GRID2IP: variants seen among roughly 807,000 people sequenced by gnomAD.
GRID2IP encodes Grid2 interacting protein, also known as delphilin.
Under a neutral mutation model 114.3 loss-of-function variants are expected in GRID2IP, and 78 were observed. The ratio of observed to expected loss-of-function variants is 0.68; its 90% confidence interval spans 0.57 to 0.82. GRID2IP has a LOEUF of 0.82. Ranked by LOEUF, GRID2IP falls within the 40% of genes least tolerant of loss-of-function variation. GRID2IP has a pLI of 0.00. For missense variants in GRID2IP, 1,727 were observed against 1,678.5 expected (o/e 1.03, Z -0.51); for synonymous variants, 809 against 724.0 (o/e 1.12, Z -1.89).
chr7:6,524,001 TG>T lies in GRID2IP; in HGVS notation c.920-2045del, dbSNP rs1779460590. 2.6e-5 allele frequency among the ~76,000 whole-genome samples: 4 copies of T among 152,200 alleles called. No individual in the cohort carries two copies. In the South Asian group the frequency reaches 8.3e-4, roughly 32 times the overall value. On this transcript the variant is annotated intron_variant, in intron 4 of 21. Coordinates refer to ENST00000457091, the MANE Select transcript of GRID2IP (RefSeq NM_001145118.2). ...AGCTTTGGGCCTTTTGCTTACAATA[TG>T]GTGTCAACAAGTTAGTGATGCCCAA... is the stretch of plus-strand genomic sequence containing the variant.
intron 2 of GRID2IP, among the ~76,000 whole-genome samples, chr7:6,529,176 C>T (rs541254093): frequency 2.0e-5 from 3 of 151,952 alleles, no homozygotes; most frequent in South Asian, 2.1e-4. Context: ...GTCGTCCGGG[C>T]GCGGTGGCTC....
At chr7:6,544,932 A>C (rs1779865575) in intron 1 of GRID2IP, among the ~76,000 whole-genome samples, 1 of 151,916 alleles carries the variant, frequency 6.6e-6, no homozygotes, top group African/African-American at 2.4e-5. Flanking sequence ...ATAGAAAAAA[A>C]ATTAGCCAGG....
At chr7:6,535,519 C>G (rs952305949) in intron 2 of GRID2IP, among the ~76,000 whole-genome samples, 1 of 152,114 alleles carries the variant, frequency 6.6e-6, no homozygotes, top group East Asian at 1.9e-4. Flanking sequence ...GACACACACA[C>G]ACGTGTATAT....
intron 1 of GRID2IP, among the ~76,000 whole-genome samples, chr7:6,542,325 AAG>A (rs1491053971): frequency 2.0e-3 from 299 of 150,894 alleles, no homozygotes; most frequent in Non-Finnish European, 3.7e-3. Flanking sequence ...AAAAAAAAAA[AAG>A]AAAAAAGAAA....
rs565609939 is a variant in GRID2IP at position 6,519,066 on chromosome 7, G to A, written c.1268+1512C>T. 3.0e-4 allele frequency among the ~76,000 whole-genome samples: 45 copies of A among 151,856 alleles called. No homozygotes were observed. The highest frequency in any genetic ancestry group is 1.0e-3 in the African/African-American group (43 of 41,414). On this transcript the variant is annotated intron_variant, in intron 7 of 21. Coordinates refer to ENST00000457091, the MANE Select transcript of GRID2IP (RefSeq NM_001145118.2). This position sits in a 1 kb window ranked among gnomAD's most constrained non-coding sequence, Gnocchi z 4.1. ...CCCAAGTAGCTGGAACTACAGGTGC[G>A]CACCACCATGCCCAGCTAATTTTTT...
chr7:6,508,969 C>A lies in GRID2IP; in HGVS notation c.2116G>T (p.Asp706Tyr). The change falls in exon 12 of 22, where the codon GAC (aspartate) becomes TAC (tyrosine). Residue 706 changes from aspartate (D) to tyrosine (Y), a missense_variant. By Grantham distance (160) the Asp-to-Tyr change is radical. Coordinates refer to ENST00000457091, the MANE Select transcript of GRID2IP (RefSeq NM_001145118.2). This position sits in a 1 kb window ranked among gnomAD's most constrained non-coding sequence, Gnocchi z 5.6. ...GCTTGCGTGCCCACCTCCTCGTAGT[C>A]GTTCTCCGGGGTCAGGAAATCATCC... ...IVDDFLTPENDYEEMSFHDDQ... is the reference protein window; with the variant it reads ...IVDDFLTPENYYEEMSFHDDQ... 6.5e-7 allele frequency: 1 copy of A among 1,547,118 alleles called. No homozygotes were observed. Among genetic ancestry groups the A allele is most frequent in the African/African-American group, 1.4e-5 (1 of 73,148 alleles).
At chr7:6,515,402 A>G (rs1440816865) in intron 7 of GRID2IP, among the ~76,000 whole-genome samples, 1 of 152,062 alleles carries the variant, frequency 6.6e-6, no homozygotes, top group Non-Finnish European at 1.5e-5. Context: ...CGGAGGTTGT[A>G]GTGAGCTGAG....
rs1014837949 is a variant in GRID2IP, at chr7:6,521,723, G to T, written c.989+165C>A. On this transcript the variant is annotated intron_variant, in intron 5 of 21. Coordinates refer to ENST00000457091, the MANE Select transcript of GRID2IP (RefSeq NM_001145118.2). This position sits in a 1 kb window ranked among gnomAD's most constrained non-coding sequence, Gnocchi z 4.1. ...CTGGCTAGAGTTGGCGACTGGCGAG[G>T]AGGAGGGTTAGATTCAAGAGTTCCC... Among the ~76,000 whole-genome samples, 6 of 152,204 alleles carry T rather than the reference G, an allele frequency of 3.9e-5. No individual in the cohort carries two copies. The highest frequency in any genetic ancestry group is 8.8e-5 in the Non-Finnish European group (6 of 68,046).
At chr7:6,542,364 C>T (rs998114279) in intron 1 of GRID2IP, among the ~76,000 whole-genome samples, 1 of 150,702 alleles carries the variant, frequency 6.6e-6, no homozygotes, top group Non-Finnish European at 1.5e-5. Flanking sequence ...GAGGCAAGAT[C>T]CTGGCAGGGC....
chr7:6,509,959 G>C lies in GRID2IP; in HGVS notation c.1771+324C>G, dbSNP rs564535838. On this transcript the variant is annotated intron_variant, in intron 11 of 21. Transcript: ENST00000457091. The surrounding 1 kb of genome is among the most constrained non-coding windows in gnomAD (Gnocchi z 4.9). The stretch of plus-strand genomic sequence containing the variant: ...TCCTCCCGCCTCAGCCTCTTGAGGA[G>C]TTGGGACTACAGGCATATGCAACCA... Among the ~76,000 whole-genome samples the C allele has an allele frequency of 6.6e-6, 1 of 152,202 alleles. No individual in the cohort carries two copies.
At chr7:6,503,248 A>G in intron 16 of GRID2IP, 85 bp from the exon 17 acceptor site, 1 of 1,136,586 alleles carries the variant, frequency 8.8e-7, no homozygotes, top group Non-Finnish European at 1.2e-6. Flanking sequence ...GGAGGGGGGG[A>G]TCTGCTGGCT....
chr7:6,530,758 C>T (rs1454384041), intron 2 of GRID2IP, among the ~76,000 whole-genome samples: 1 of 152,228 alleles, frequency 6.6e-6, no homozygotes, highest in Admixed American at 6.5e-5. Flanking sequence ...TCTGTCCTGT[C>T]CCCTCGACCA....
At chr7:6,517,831 A>G (rs889434573) in intron 7 of GRID2IP, among the ~76,000 whole-genome samples, 1 of 152,068 alleles carries the variant, frequency 6.6e-6, no homozygotes, top group Non-Finnish European at 1.5e-5. Flanking sequence ...TGAACCGGGA[A>G]GGCAGAGGTT....
At position 6,528,097 on chromosome 7, in the gene GRID2IP, A is replaced by G. The variant is rs980122597; in HGVS notation, c.585-1328T>C. Among the ~76,000 whole-genome samples the G allele has an allele frequency of 1.3e-5, 2 of 151,308 alleles. No homozygotes were observed. Among genetic ancestry groups the G allele is most frequent in the African/African-American group, 4.9e-5 (2 of 41,142 alleles). On this transcript the variant is annotated intron_variant, in intron 2 of 21. Coordinates refer to ENST00000457091, the MANE Select transcript of GRID2IP (RefSeq NM_001145118.2). The surrounding 1 kb of genome is among the most constrained non-coding windows in gnomAD (Gnocchi z 6.0). ...ATTTTTTTTGTAGAGATGAGGCTCT[A>G]TGTTGCCCAGGCTGGTCTCAAACTC...
At position 6,520,206 on chromosome 7, in the gene GRID2IP, C is replaced by A. The variant is rs997828870; in HGVS notation, c.1268+372G>T. 4.6e-5 allele frequency among the ~76,000 whole-genome samples: 7 copies of A among 151,962 alleles called. No homozygotes were observed. Among genetic ancestry groups the A allele is most frequent in the African/African-American group, 1.7e-4 (7 of 41,362 alleles). On this transcript the variant is annotated intron_variant, in intron 7 of 21. Transcript: ENST00000457091. This position sits in a 1 kb window ranked among gnomAD's most constrained non-coding sequence, Gnocchi z 4.6. The stretch of plus-strand genomic sequence containing the variant: ...TACTCGGAGGCTGAGGCAGAAGAAT[C>A]GCTTGAACCCAGGAGGCGGAGGCTG...
intron 2 of GRID2IP, among the ~76,000 whole-genome samples, chr7:6,529,961 C>CT (rs71008398): frequency 0.47 from 52,851 of 111,570 alleles, 12,739 homozygotes; most frequent in Non-Finnish European, 0.59. Context: ...CTCTCTCTCT[C>CT]TTTTTTTTTT....
rs1786736022 is a variant in GRID2IP, at chr7:6,510,329, G to T, written c.1725C>A (p.Ser575=). ...SSFKGKMGTV[S]KSRASPPGPS... is the part of the protein sequence containing the mutation. ...GGCCTGGAGGGGAAGCCCGGGATTTGGACACGGTCCCCATCTTCCCTTTGA... is the reference window on the plus strand; with the variant it reads ...GGCCTGGAGGGGAAGCCCGGGATTTTGACACGGTCCCCATCTTCCCTTTGA... Residue 575 remains serine (S), a synonymous_variant, in exon 11 of 22, where the codon TCC becomes TCA. Transcript: ENST00000457091. The T allele has an allele frequency of 1.3e-6, 2 of 1,547,588 alleles. No individual in the cohort carries two copies. The highest frequency in any genetic ancestry group is 1.7e-6 in the Non-Finnish European group (2 of 1,145,362).
Position 6,526,180 on chromosome 7 carries a change from T to C in GRID2IP, c.919+44A>G. 6.7e-7 allele frequency: 1 copy of C among 1,486,626 alleles called. No individual in the cohort carries two copies. The highest frequency in any genetic ancestry group is 1.7e-4 in the Middle Eastern group (1 of 5,890). The allele number at this position is 1,486,626 out of a possible 1,614,324, so 92.1% of individuals were successfully genotyped here. A position where few individuals can be genotyped will look rare whatever the true frequency, so the allele number is the denominator to read the frequency against. Reference sequence around the variant, plus strand: ...AGCCACCACGGGGCCCTTCACCCCATCCTGGGCCTTAGGGACTCTTAGGGC... The same window carrying C: ...AGCCACCACGGGGCCCTTCACCCCACCCTGGGCCTTAGGGACTCTTAGGGC... On this transcript the variant is annotated intron_variant, in intron 4 of 21. Transcript: ENST00000457091. This position sits in a 1 kb window ranked among gnomAD's most constrained non-coding sequence, Gnocchi z 7.6.
rs995353166 is a variant in GRID2IP, at chr7:6,534,245, T to C, written c.584+5473A>G. ...TGTCCGGATTCCGAATCCCAGCTTC[T>C]ACCATGACCTGCCCCTGACCTGACA... On this transcript the variant is annotated intron_variant, in intron 2 of 21. Coordinates refer to ENST00000457091, the MANE Select transcript of GRID2IP (RefSeq NM_001145118.2). This position sits in a 1 kb window ranked among gnomAD's most constrained non-coding sequence, Gnocchi z 4.5. Among the ~76,000 whole-genome samples, 4 of 152,160 alleles carry C rather than the reference T, an allele frequency of 2.6e-5. No homozygotes were observed. In the East Asian group the frequency reaches 7.7e-4, roughly 29 times the overall value.
Sources: gnomAD v4.1 joint callset for allele counts (sites outside exome capture counted in the v4.1 genomes callset) on GRCh38, gnomAD v4.1.1 for gene constraint, Gnocchi (gnomAD v3.1) non-coding constraint, MANE v1.5 for transcripts, NCBI Gene and HGNC (gene_info 2026-07-23, HGNC 2026-07-21) for gene names.